PAK2: variants seen among roughly 807,000 people sequenced by gnomAD.
PAK2 encodes p21 (RAC1) activated kinase 2.
A neutral mutation model predicts 65.9 loss-of-function variants in PAK2; 21 were observed. The ratio of observed to expected loss-of-function variants is 0.32; its 90% confidence interval spans 0.23 to 0.46. PAK2 has a LOEUF of 0.46. Ranked by LOEUF, PAK2 falls within the 20% of genes least tolerant of loss-of-function variation. The pLI is 1.00. For missense variants in PAK2, 324 were observed against 642.6 expected (o/e 0.50, Z 5.36); for synonymous variants, 204 against 219.7 (o/e 0.93, Z 0.63).
chr3:196,774,078 A>G (rs559453565), intron 1 of PAK2, among the ~76,000 whole-genome samples: 10 of 152,322 alleles, frequency 6.6e-5, no homozygotes, highest in Admixed American at 3.3e-4. Flanking sequence ...GTATGGTACC[A>G]TAAATCAGTA....
intron 7 of PAK2, among the ~76,000 whole-genome samples, chr3:196,808,561 A>T (rs1715666119): frequency 6.9e-6 from 1 of 145,170 alleles, no homozygotes; most frequent in Non-Finnish European, 1.5e-5. Context: ...CCATCTCAAA[A>T]AAAAAAAAAA....
chr3:196,759,466 C>T (rs1055424912), intron 1 of PAK2, among the ~76,000 whole-genome samples: 1 of 145,328 alleles, frequency 6.9e-6, no homozygotes, highest in Non-Finnish European at 1.5e-5. Flanking sequence ...TAAAATTCAC[C>T]CTTTAAGGTA....
intron 1 of PAK2, among the ~76,000 whole-genome samples, chr3:196,766,931 CGTGTGTGTGTGTGTGTGTGTGTGTGTGT>C (rs60929724): frequency 3.7e-5 from 5 of 134,342 alleles, no homozygotes; most frequent in African/African-American, 8.2e-5. Context: ...AAGTACACCC[CGTGTGTGTGTGTGTGTGTGTGTGTGTGT>C]GTGTGTGTGT....
At chr3:196,741,027 C>T (rs1378228720) in intron 1 of PAK2, among the ~76,000 whole-genome samples, 1 of 152,176 alleles carries the variant, frequency 6.6e-6, no homozygotes, top group East Asian at 1.9e-4. Context: ...TTTGTTGTCC[C>T]TTGATAAATA....
At chr3:196,821,638 A>G (rs1230276190) in intron 13 of PAK2, among the ~76,000 whole-genome samples, 5 of 151,270 alleles carry the variant, frequency 3.3e-5, no homozygotes, top group Admixed American at 1.3e-4. Flanking sequence ...AGCCGAGATC[A>G]TGCCATCGCA....
chr3:196,826,933 C>A (rs1457518607), intron 13 of PAK2, among the ~76,000 whole-genome samples: 3 of 151,828 alleles, frequency 2.0e-5, no homozygotes, highest in South Asian at 2.1e-4. Flanking sequence ...CAAAAAAAAA[C>A]AAAACAAAAG....
intron 1 of PAK2, among the ~76,000 whole-genome samples, chr3:196,778,716 T>C (rs533798895): frequency 3.3e-5 from 5 of 152,358 alleles, no homozygotes; most frequent in Non-Finnish European, 7.3e-5. Flanking sequence ...ATCCAGGGTG[T>C]CACGTTGCGT....
chr3:196,789,273 G>A (rs1402802972), intron 2 of PAK2, among the ~76,000 whole-genome samples: 3 of 152,010 alleles, frequency 2.0e-5, no homozygotes. Flanking sequence ...ATTAACTAAA[G>A]CAATTTTCAC....
intron 1 of PAK2, among the ~76,000 whole-genome samples, chr3:196,781,732 A>G (rs1426599970): frequency 6.6e-6 from 1 of 152,182 alleles, no homozygotes; most frequent in East Asian, 1.9e-4. Context: ...ATTTGGGTGG[A>G]TAAGGCGGGT....
chr3:196,743,674 C>G (rs1392642205), intron 1 of PAK2, among the ~76,000 whole-genome samples: 1 of 152,102 alleles, frequency 6.6e-6, no homozygotes, highest in African/African-American at 2.4e-5. Context: ...ATGGTGAAAC[C>G]TATATTCTCT....
At position 196,756,662 on chromosome 3, in the gene PAK2, C is replaced by G. The variant is rs570429557; in HGVS notation, c.-22+16505C>G. ...ACCAGCCTGCCCAATATGGTGAAAC[C>G]TTGTCCGTACTAAAAATACAAAAAT... On this transcript the variant is annotated intron_variant, in intron 1 of 14. Coordinates refer to ENST00000327134, the MANE Select transcript of PAK2 (RefSeq NM_002577.4). 3.9e-4 allele frequency among the ~76,000 whole-genome samples: 60 copies of G among 152,200 alleles called. 1 individual carries two copies. Among genetic ancestry groups the G allele is most frequent in the Admixed American group, 3.5e-3 (54 of 15,286 alleles).
intron 6 of PAK2, among the ~76,000 whole-genome samples, chr3:196,806,889 T>TAA (rs1715601870): frequency 6.6e-6 from 1 of 152,188 alleles, no homozygotes; most frequent in Non-Finnish European, 1.5e-5. Flanking sequence ...GTGATGTCTT[T>TAA]AAAAGTTAAC....
chr3:196,810,734 C>T (rs1251749398), intron 8 of PAK2, 81 bp downstream of exon 8: 2 of 775,148 alleles, frequency 2.6e-6, no homozygotes, highest in Admixed American at 2.0e-5. Flanking sequence ...ATTTTGCCTG[C>T]CGACATCAAG....
intron 14 of PAK2, among the ~76,000 whole-genome samples, chr3:196,827,623 G>T (rs887288523): frequency 2.6e-5 from 4 of 151,868 alleles, no homozygotes; most frequent in Non-Finnish European, 4.4e-5. Context: ...GGAGTGGGGA[G>T]GGATAGCATT....
In PAK2 at chr3:196,825,444, C is replaced by T. The variant is rs764154232; in HGVS notation, c.1351-1752C>T. On this transcript the variant is annotated intron_variant, in intron 13 of 14. Coordinates refer to ENST00000327134, the MANE Select transcript of PAK2 (RefSeq NM_002577.4). ...AGATCACAAAGTTGGGAGTTTAAGACCAGCCTGGCCAACACAGTGAAACCC... is the reference window on the plus strand; with the variant it reads ...AGATCACAAAGTTGGGAGTTTAAGATCAGCCTGGCCAACACAGTGAAACCC... 4.6e-5 allele frequency among the ~76,000 whole-genome samples: 7 copies of T among 151,980 alleles called. No homozygotes were observed. In the East Asian group the frequency reaches 9.7e-4, roughly 21 times the overall value.
At chr3:196,745,014 A>T (rs1396488610) in intron 1 of PAK2, among the ~76,000 whole-genome samples, 1 of 151,902 alleles carries the variant, frequency 6.6e-6, no homozygotes, top group African/African-American at 2.4e-5. Flanking sequence ...CATGTAATAG[A>T]TATTAATCTA....
intron 7 of PAK2, among the ~76,000 whole-genome samples, chr3:196,808,582 C>T (rs959613736): frequency 9.4e-6 from 1 of 105,970 alleles, no homozygotes; most frequent in East Asian, 3.3e-4. Context: ...AAAAGCGAAC[C>T]GGCCGGGCAC....
intron 9 of PAK2, 58 bp downstream of exon 9, chr3:196,812,325 T>C (rs1715855113): frequency 2.0e-6 from 2 of 1,000,336 alleles, no homozygotes; most frequent in Non-Finnish European, 3.2e-6. Flanking sequence ...AGGTGGAAAC[T>C]AGATGAAGCT....
chr3:196,814,522 C>T lies in PAK2; in HGVS notation c.1007C>T (p.Thr336Ile). ...LAGGSLTDVV[T>I]ETCMDEAQIA... Reference sequence around the variant, plus strand: ...GGGGGGTCACTCACTGATGTGGTAACAGAAACGTGCATGGATGAAGCACAG... The same window carrying T: ...GGGGGGTCACTCACTGATGTGGTAATAGAAACGTGCATGGATGAAGCACAG... The change falls in exon 11 of 15, where the codon ACA becomes ATA. Residue 336 changes from threonine to isoleucine, a missense_variant. By Grantham distance (89) the Thr-to-Ile change is moderately conservative. Coordinates refer to ENST00000327134, the MANE Select transcript of PAK2 (RefSeq NM_002577.4). The T allele has an allele frequency of 1.9e-6, 3 of 1,542,090 alleles. No homozygotes were observed. Among genetic ancestry groups the T allele is most frequent in the Non-Finnish European group, 2.7e-6 (3 of 1,119,734 alleles).
Sources: allele counts gnomAD v4.1 joint callset (sites outside exome capture counted in the v4.1 genomes callset), GRCh38; gene constraint gnomAD v4.1.1; transcripts MANE v1.5; gene names NCBI Gene and HGNC (gene_info 2026-07-23, HGNC 2026-07-21).